Variants in POLA1 observed in about 807,000 individuals in gnomAD.
POLA1 encodes DNA polymerase alpha catalytic subunit.
A neutral mutation model predicts 124.0 loss-of-function variants in POLA1; 15 were observed. The ratio of observed to expected loss-of-function variants is 0.12; its 90% CI spans 0.08 to 0.19. POLA1 has a LOEUF of 0.19. Ranked by LOEUF, POLA1 falls within the 10% of genes least tolerant of loss-of-function variation. The probability of loss-of-function intolerance (pLI) is 1.00; values close to 1 mark genes in which losing one functional copy is unlikely to be tolerated. For missense variants in POLA1, 886 were observed against 1,103.4 expected, an observed-to-expected ratio of 0.80 and a Z score of 2.79; for synonymous variants, 408 against 389.4, an observed-to-expected ratio of 1.05 and a Z score of -0.56.
rs34721601 is a variant in POLA1, at chrX:24,803,930, TAAAAAAA to T, written c.2965-5943_2965-5937del. ...GTGCTCTGATTTCAGACCCTAGACT[TAAAAAAA>T]AAAAAAAAAAAAAAAAAAAAAAAAG... On this transcript the variant is annotated intron_variant, in intron 26 of 36. Coordinates refer to ENST00000379068, the MANE Select transcript of POLA1 (RefSeq NM_001330360.2). Among the ~76,000 whole-genome samples the T allele has an allele frequency of 7.9e-4, 11 of 13,839 alleles. No individual in the cohort carries two copies. In the Admixed American group the frequency reaches 0.011, roughly 14 times the overall value. The allele number at this position is 13,839 out of a possible 115,157, so 12.0% of individuals were successfully genotyped here.
intron 36 of POLA1, among the ~76,000 whole-genome samples, chrX:24,939,902 A>G (rs149680583): frequency 3.6e-5 from 4 of 112,210 alleles, no homozygotes; most frequent in Non-Finnish European, 3.8e-5. Flanking sequence ...TCAACAAGGC[A>G]TTTAGGTTAC....
At position 24,734,772 on chromosome X, in the gene POLA1, C is replaced by T. The variant is rs373631721; in HGVS notation, c.1834-627C>T. Among the ~76,000 whole-genome samples the T allele has an allele frequency of 1.6e-4, 18 of 110,811 alleles. No individual in the cohort carries two copies. The East Asian group carries it at 3.4e-3, about 21-fold the overall frequency. On this transcript the variant is annotated intron_variant, in intron 17 of 36. Coordinates refer to ENST00000379068, the MANE Select transcript of POLA1 (RefSeq NM_001330360.2). Reference sequence around the variant, plus strand: ...CTGGGATTACAGGCTCGTGGCACCACGCCCAGCTAATTTTTGTATTTTTAG... The same window carrying T: ...CTGGGATTACAGGCTCGTGGCACCATGCCCAGCTAATTTTTGTATTTTTAG...
intron 26 of POLA1, among the ~76,000 whole-genome samples, chrX:24,779,116 T>C (rs996942743): frequency 1.8e-5 from 2 of 110,151 alleles, no homozygotes; most frequent in Non-Finnish European, 3.8e-5. Flanking sequence ...CTCACTCTTA[T>C]CACCCAGGCT....
intron 34 of POLA1, among the ~76,000 whole-genome samples, chrX:24,846,501 A>C (rs957163283): frequency 4.5e-5 from 5 of 111,791 alleles, no homozygotes; most frequent in Non-Finnish European, 9.4e-5. Flanking sequence ...TATAAAGTTA[A>C]AATTGAACTG....
intron 26 of POLA1, among the ~76,000 whole-genome samples, chrX:24,764,646 G>T (rs1360451238): frequency 8.9e-6 from 1 of 112,182 alleles, no homozygotes; most frequent in Non-Finnish European, 1.9e-5. Flanking sequence ...GCAACATGTA[G>T]TAGAATGCTT....
At chrX:24,803,979 A>G (rs1424573975) in intron 26 of POLA1, among the ~76,000 whole-genome samples, 2 of 105,715 alleles carry the variant, frequency 1.9e-5, no homozygotes, top group Non-Finnish European at 1.9e-5. Context: ...TATTTGTATA[A>G]CATTTTATCT....
In POLA1 at chrX:24,730,758, A is replaced by G. The variant is rs530063362; in HGVS notation, c.1687-1612A>G. Reference sequence around the variant, plus strand: ...ATGTGAGGGTAAGAATAAGTTGAACAGATTGCAACACATCAGATCCATGAG... The same window carrying G: ...ATGTGAGGGTAAGAATAAGTTGAACGGATTGCAACACATCAGATCCATGAG... On this transcript the variant is annotated intron_variant, in intron 15 of 36. Transcript: ENST00000379068. Among the ~76,000 whole-genome samples, 7 of 112,734 alleles carry G rather than the reference A, an allele frequency of 6.2e-5. No homozygotes were observed. The South Asian group carries it at 2.6e-3, about 41-fold the overall frequency.
At chrX:24,909,553 T>C (rs370994741) in intron 35 of POLA1, among the ~76,000 whole-genome samples, 1 of 110,607 alleles carries the variant, frequency 9.0e-6, no homozygotes, top group East Asian at 2.8e-4. Context: ...TGTAGATATG[T>C]GGCATTATTT....
chrX:24,887,894 C>A, intron 34 of POLA1, 112 bp from the exon 35 acceptor site: 1 of 502,790 alleles, frequency 2.0e-6, no homozygotes, highest in South Asian at 3.1e-5. Flanking sequence ...AGAGTTATGT[C>A]AGAATTTCTG....
At chrX:24,820,341 A>G (rs1436221126) in intron 30 of POLA1, among the ~76,000 whole-genome samples, 1 of 111,243 alleles carries the variant, frequency 9.0e-6, no homozygotes, top group Non-Finnish European at 1.9e-5. Context: ...AGGAACTCCC[A>G]GGGCTCTGCA....
chrX:24,712,154 C>G (rs1010998884), intron 4 of POLA1, among the ~76,000 whole-genome samples: 2 of 111,160 alleles, frequency 1.8e-5, no homozygotes, highest in African/African-American at 3.3e-5. Context: ...GGTGCGGTCT[C>G]AGGTCATTGC....
In POLA1 at chrX:24,930,537, G is replaced by A. The variant is rs771537551; in HGVS notation, c.4249G>A (p.Asp1417Asn). The A allele has an allele frequency of 7.6e-5, 87 of 1,151,282 alleles. No individual in the cohort carries two copies. Among genetic ancestry groups the A allele is most frequent in the Non-Finnish European group, 9.9e-5 (83 of 840,377 alleles). The allele number at this position is 1,151,282 out of a possible 1,213,427, so 94.9% of individuals were successfully genotyped here. The change falls in exon 36 of 37, where the codon GAT (aspartate) becomes AAT (asparagine). Residue 1417 changes from aspartate to asparagine, a missense_variant. This residue lies in a region of POLA1 where 313 missense variants were observed against 359.7 expected (regional missense o/e 0.87). Coordinates refer to ENST00000379068, the MANE Select transcript of POLA1 (RefSeq NM_001330360.2). ...GTGTGCACTGGAGAAACTTACTACC[G>A]ATCATGAGAAAGGTACGTTAAAATA... ...AECALEKLTT[D>N]HEKDKLKKQF...
intron 34 of POLA1, among the ~76,000 whole-genome samples, chrX:24,848,138 C>T (rs192207291): frequency 8.9e-6 from 1 of 112,238 alleles, no homozygotes; most frequent in Non-Finnish European, 1.9e-5. Flanking sequence ...GAATCTATCT[C>T]TATATAACGT....
chrX:24,863,223 C>T (rs2046742210), intron 34 of POLA1, among the ~76,000 whole-genome samples: 1 of 108,203 alleles, frequency 9.2e-6, no homozygotes, highest in Non-Finnish European at 1.9e-5. Context: ...AATGAAATAG[C>T]TGCTATCTTT....
intron 28 of POLA1, 41 bp downstream of exon 28, chrX:24,810,841 G>T: frequency 1.5e-6 from 1 of 657,272 alleles, no homozygotes; most frequent in Non-Finnish European, 2.5e-6. Context: ...ACCTATTTTT[G>T]TGAATTCTGT....
At chrX:24,710,045 T>C (rs1461434377) in intron 4 of POLA1, among the ~76,000 whole-genome samples, 4 of 102,712 alleles carry the variant, frequency 3.9e-5, no homozygotes, top group Non-Finnish European at 8.0e-5. Flanking sequence ...AGGCGGCTGC[T>C]CCTTGCCCTC....
chrX:24,971,722 A>G (rs973363446), intron 36 of POLA1, among the ~76,000 whole-genome samples: 2 of 111,622 alleles, frequency 1.8e-5, no homozygotes, highest in African/African-American at 6.5e-5. Flanking sequence ...GGCTGTTTTT[A>G]TATTTACTAA....
chrX:24,792,090 T>C (rs2045511491), intron 26 of POLA1, among the ~76,000 whole-genome samples: 1 of 112,395 alleles, frequency 8.9e-6, no homozygotes, highest in Admixed American at 9.4e-5. Flanking sequence ...ACTGCCATAG[T>C]TTATTAGAAA....
intron 35 of POLA1, among the ~76,000 whole-genome samples, chrX:24,910,913 C>T (rs888554791): frequency 1.2e-4 from 14 of 112,285 alleles, no homozygotes; most frequent in Non-Finnish European, 2.3e-4. Context: ...TGCTCTCCAA[C>T]AATAACACCA....
Sources: gnomAD v4.1 joint callset for allele counts (sites outside exome capture counted in the v4.1 genomes callset) on GRCh38, gnomAD v4.1.1 for gene constraint, gnomAD v4.1.1 regional missense constraint, MANE v1.5 for transcripts, NCBI Gene and HGNC (gene_info 2026-07-23, HGNC 2026-07-21) for gene names.